Variants in IMMP2L observed in about 807,000 individuals in gnomAD.
IMMP2L encodes the protein inner mitochondrial membrane peptidase subunit 2.
Under a neutral mutation model 19.3 loss-of-function variants are expected in IMMP2L, and 18 were observed. The observed-to-expected ratio is 0.93, with a 90% CI of 0.64 to 1.38. The LOEUF is 1.38. Ranked by LOEUF, IMMP2L falls within the 40% of genes most tolerant of loss-of-function variation. The probability of loss-of-function intolerance (pLI) is 0.00; values close to 1 mark genes in which losing one functional copy is unlikely to be tolerated. For synonymous variants in IMMP2L, 76 were observed against 73.0 expected (o/e 1.04, Z -0.21); for missense variants, 233 against 218.2 (o/e 1.07, Z -0.43).
intron 3 of IMMP2L, among the ~76,000 whole-genome samples, chr7:111,047,853 A>G (rs949457839): frequency 6.6e-6 from 1 of 152,186 alleles, no homozygotes; most frequent in African/African-American, 2.4e-5. Flanking sequence ...CATTGTACTC[A>G]GCCCAATTCT....
intron 4 of IMMP2L, among the ~76,000 whole-genome samples, chr7:110,950,218 TGAC>T (rs760453565): frequency 2.6e-5 from 4 of 152,128 alleles, no homozygotes; most frequent in Admixed American, 6.6e-5. Flanking sequence ...TTAAAGAGAC[TGAC>T]TTTTCCCCAT....
At chr7:110,871,412 G>C (rs1239122249) in intron 5 of IMMP2L, among the ~76,000 whole-genome samples, 2 of 152,048 alleles carry the variant, frequency 1.3e-5, no homozygotes, top group Non-Finnish European at 2.9e-5. Context: ...TGGCAGAGAA[G>C]GATGAAAATG....
At chr7:111,006,298 T>C (rs1824284217) in intron 3 of IMMP2L, among the ~76,000 whole-genome samples, 1 of 152,154 alleles carries the variant, frequency 6.6e-6, no homozygotes, top group Non-Finnish European at 1.5e-5. Context: ...GTGATTGATG[T>C]GCACTAACTG....
intron 3 of IMMP2L, chr7:111,125,174 A>C (rs1234104052): frequency 9.2e-6 from 3 of 327,248 alleles, no homozygotes; most frequent in African/African-American, 6.5e-5. Flanking sequence ...TGTCTGGACT[A>C]CAGTTCAAGT....
At chr7:110,802,617 T>C (rs1411825625) in intron 5 of IMMP2L, among the ~76,000 whole-genome samples, 1 of 152,088 alleles carries the variant, frequency 6.6e-6, no homozygotes, top group Non-Finnish European at 1.5e-5. Flanking sequence ...ATTCAGAATA[T>C]GTATTATTAG....
chr7:111,556,304 A>C (rs1309002979), intron 1 of IMMP2L, among the ~76,000 whole-genome samples: 7 of 151,602 alleles, frequency 4.6e-5, no homozygotes, highest in Non-Finnish European at 5.9e-5. Flanking sequence ...GATTTTAGCT[A>C]CTCTTGTCAT....
intron 4 of IMMP2L, among the ~76,000 whole-genome samples, chr7:110,928,167 A>T (rs939671207): frequency 4.6e-5 from 7 of 152,036 alleles, no homozygotes; most frequent in Non-Finnish European, 8.8e-5. Context: ...TAAAACAGAT[A>T]AATCACTATG....
rs911623749 is a variant in IMMP2L, at chr7:111,004,067, T to C, written c.240-40502A>G. ...ACAGAGAGAATGATGCATCCCAATA[T>C]AGCTCAGTGGAGACTAGAGGCACAC... On this transcript the variant is annotated intron_variant, in intron 3 of 5. Coordinates refer to ENST00000405709, the MANE Select transcript of IMMP2L (RefSeq NM_032549.4). 3.9e-5 allele frequency among the ~76,000 whole-genome samples: 6 copies of C among 152,090 alleles called. 1 individual carries two copies. The highest frequency in any genetic ancestry group is 3.9e-4 in the Admixed American group (6 of 15,274).
intron 5 of IMMP2L, among the ~76,000 whole-genome samples, chr7:110,885,738 G>C (rs879025356): frequency 6.6e-6 from 1 of 151,980 alleles, no homozygotes; most frequent in Admixed American, 6.6e-5. Flanking sequence ...AACAGCAGAT[G>C]TAAGAAGGGC....
At chr7:111,391,258 C>G (rs937940882) in intron 3 of IMMP2L, among the ~76,000 whole-genome samples, 7 of 152,068 alleles carry the variant, frequency 4.6e-5, no homozygotes, top group Admixed American at 1.3e-4. Context: ...CAAGGCTCTC[C>G]ACTCCCTTGT....
intron 3 of IMMP2L, among the ~76,000 whole-genome samples, chr7:111,423,665 A>G (rs941330509): frequency 1.5e-4 from 23 of 151,734 alleles, no homozygotes; most frequent in African/African-American, 5.6e-4. Flanking sequence ...AGCAGTGTGT[A>G]GAGGGAAATT....
At chr7:111,477,446 A>AT (rs1312024045) in intron 3 of IMMP2L, among the ~76,000 whole-genome samples, 6 of 152,128 alleles carry the variant, frequency 3.9e-5, no homozygotes, top group African/African-American at 1.4e-4. Context: ...TTTCTCTTTC[A>AT]TTTTTTAAGA....
intron 2 of IMMP2L, among the ~76,000 whole-genome samples, chr7:111,501,914 C>G (rs1451159226): frequency 6.6e-6 from 1 of 152,122 alleles, no homozygotes; most frequent in Admixed American, 6.5e-5. Context: ...ACTGCATCAA[C>G]TAATGAGCAA....
At chr7:110,694,934 G>A (rs182639178) in intron 5 of IMMP2L, among the ~76,000 whole-genome samples, 26 of 152,166 alleles carry the variant, frequency 1.7e-4, no homozygotes, top group East Asian at 1.4e-3. Flanking sequence ...CCTTGAAAGC[G>A]TCGTGTTAAG....
intron 3 of IMMP2L, among the ~76,000 whole-genome samples, chr7:111,410,490 G>A (rs1834305180): frequency 6.6e-6 from 1 of 151,318 alleles, no homozygotes; most frequent in South Asian, 2.1e-4. Flanking sequence ...GCTGAACAAT[G>A]TAAATACTAA....
chr7:110,892,534 C>T (rs1810913094), intron 4 of IMMP2L, among the ~76,000 whole-genome samples: 1 of 152,090 alleles, frequency 6.6e-6, no homozygotes, highest in African/African-American at 2.4e-5. Flanking sequence ...AGTCACTTTT[C>T]AGTCAATTTT....
intron 3 of IMMP2L, among the ~76,000 whole-genome samples, chr7:111,260,765 T>A (rs1049426853): frequency 6.6e-6 from 1 of 152,084 alleles, no homozygotes; most frequent in African/African-American, 2.4e-5. Context: ...GAAACAGGTA[T>A]TAAAAATTAC....
In IMMP2L at chr7:111,457,956, T is replaced by C. The variant is rs559733356; in HGVS notation, c.239+29282A>G. 1.1e-4 allele frequency among the ~76,000 whole-genome samples: 17 copies of C among 150,406 alleles called. 1 individual carries two copies. Among genetic ancestry groups the C allele is most frequent in the African/African-American group, 3.9e-4 (16 of 40,886 alleles). ...TCTTAGTATAAATCTTGTCTTTGTA[T>C]CAACAAATGTTCGAGTGCATTTTCA... is the stretch of plus-strand genomic sequence containing the variant. On this transcript the variant is annotated intron_variant, in intron 3 of 5. Transcript: ENST00000405709.
At chr7:110,791,876 C>T (rs560676051) in intron 5 of IMMP2L, among the ~76,000 whole-genome samples, 2 of 151,908 alleles carry the variant, frequency 1.3e-5, no homozygotes, top group South Asian at 2.1e-4. Context: ...AGTCACTCCT[C>T]CTGCCCTGGA....
Sources: gnomAD v4.1 joint callset for allele counts (sites outside exome capture counted in the v4.1 genomes callset) on GRCh38, gnomAD v4.1.1 for gene constraint, MANE v1.5 for transcripts, NCBI Gene and HGNC (gene_info 2026-07-23, HGNC 2026-07-21) for gene names.